The following TAMM41 variants were observed in gnomAD, a reference collection of about 807,000 sequenced individuals.
The protein encoded by TAMM41 is TAM41 mitochondrial translocator assembly and maintenance homolog.
TAMM41 carries 36 observed loss-of-function variants against 44.1 expected under a neutral mutation model. The ratio of observed to expected loss-of-function variants is 0.82; its 90% CI spans 0.63 to 1.08. TAMM41 has a LOEUF of 1.08. TAMM41 is among the 50% of genes least tolerant of loss of function. The pLI is 0.00. For missense variants in TAMM41, 417 were observed against 404.3 expected (o/e 1.03, Z -0.27); for synonymous variants, 164 against 153.1 (o/e 1.07, Z -0.53).
chr3:11,746,096 C>T, the TAMM41 span, among the ~76,000 whole-genome samples: 58 of 152,084 alleles, frequency 3.8e-4, no homozygotes, highest in African/African-American at 1.3e-3. Flanking sequence ...GTCAGGAGAT[C>T]GAGACCATCC....
the TAMM41 span, among the ~76,000 whole-genome samples, chr3:11,774,565 G>A: frequency 6.6e-6 from 1 of 152,196 alleles, no homozygotes; most frequent in African/African-American, 2.4e-5. Flanking sequence ...GGGCCCTACT[G>A]CTCTCCCTGG....
At chr3:11,839,516 T>C (rs1300411759) in intron 2 of TAMM41, among the ~76,000 whole-genome samples, 1 of 152,098 alleles carries the variant, frequency 6.6e-6, no homozygotes, top group East Asian at 1.9e-4. Context: ...ATTTAGCCCC[T>C]AGGGTATGTA....
At chr3:11,723,843 G>T in the TAMM41 span, among the ~76,000 whole-genome samples, 3 of 151,968 alleles carry the variant, frequency 2.0e-5, no homozygotes, top group Admixed American at 2.0e-4. Context: ...TCAACCCAAG[G>T]ATTTTATAAA....
At chr3:11,807,180 T>G in intron 7 of TAMM41, 21 of 1,373,116 alleles carry the variant, frequency 1.5e-5, no homozygotes, top group East Asian at 8.3e-5. Context: ...ACACTCTCCA[T>G]GAGAGAAGAA....
chr3:11,732,546 C>T, the TAMM41 span, among the ~76,000 whole-genome samples: 9 of 151,980 alleles, frequency 5.9e-5, no homozygotes, highest in East Asian at 1.9e-4. Flanking sequence ...AGAGATCATT[C>T]GAAATAGTGA....
chr3:11,729,626 T>C, the TAMM41 span, among the ~76,000 whole-genome samples: 1 of 134,934 alleles, frequency 7.4e-6, no homozygotes, highest in Non-Finnish European at 1.6e-5. Context: ...AGTGGTGCCA[T>C]CTCGGCTCAC....
chr3:11,790,351 T>A, downstream of TAMM41: 1 of 728,342 alleles, frequency 1.4e-6, no homozygotes. Context: ...CCCAACTGGA[T>A]AAATGTCTGA....
chr3:11,725,433 C>CCTT, the TAMM41 span, among the ~76,000 whole-genome samples: 38 of 130,586 alleles, frequency 2.9e-4, no homozygotes, highest in Admixed American at 1.9e-3. Flanking sequence ...CTTTCCTCCT[C>CCTT]CTCCTCCTCC....
At chr3:11,780,059 A>G in the TAMM41 span, among the ~76,000 whole-genome samples, 2 of 152,286 alleles carry the variant, frequency 1.3e-5, no homozygotes, top group East Asian at 3.9e-4. Flanking sequence ...AGATGACTAC[A>G]GTCTTCCCCT....
At chr3:11,775,921 A>C in the TAMM41 span, among the ~76,000 whole-genome samples, 1 of 152,150 alleles carries the variant, frequency 6.6e-6, no homozygotes, top group African/African-American at 2.4e-5. Context: ...CCATGAACTC[A>C]GTACATTCTA....
At chr3:11,786,286 T>TATTATTA (rs532095914), downstream of TAMM41, among the ~76,000 whole-genome samples, 16 of 138,872 alleles carry the variant, frequency 1.2e-4, no homozygotes, top group African/African-American at 4.4e-4. Context: ...TTTATTTAAT[T>TATTATTA]TTATTATTAT....
chr3:11,798,271 G>A (rs914095127), intron 7 of TAMM41, among the ~76,000 whole-genome samples: 4 of 152,150 alleles, frequency 2.6e-5, no homozygotes, highest in Non-Finnish European at 5.9e-5. Context: ...ATCGTAGACT[G>A]CATAAAGAAA....
intron 2 of TAMM41, among the ~76,000 whole-genome samples, chr3:11,840,291 G>A (rs981148068): frequency 2.7e-5 from 4 of 150,740 alleles, no homozygotes; most frequent in African/African-American, 9.8e-5. Context: ...GGAGTGCACT[G>A]GCGCAATCTC....
the TAMM41 span, among the ~76,000 whole-genome samples, chr3:11,780,374 TTC>T: frequency 1.3e-5 from 2 of 152,212 alleles, no homozygotes. Flanking sequence ...ATACTCTTCC[TTC>T]TCCTCTGGCT....
chr3:11,842,877 A>G (rs56226122), intron 2 of TAMM41, among the ~76,000 whole-genome samples: 4,526 of 152,168 alleles, frequency 0.03, 226 homozygotes, highest in African/African-American at 0.098. Context: ...TGGCCCAGGG[A>G]AGCTCTAGGA....
downstream of TAMM41, among the ~76,000 whole-genome samples, chr3:11,787,517 A>G (rs2077424426): frequency 6.6e-6 from 1 of 152,030 alleles, no homozygotes; most frequent in Admixed American, 6.5e-5. Context: ...AATTCCCTAT[A>G]TTAAATTCCT....
the TAMM41 span, among the ~76,000 whole-genome samples, chr3:11,748,444 GC>G: frequency 1.4e-5 from 2 of 144,386 alleles, no homozygotes; most frequent in African/African-American, 2.5e-5. Flanking sequence ...ACCACGTCTG[GC>G]TTTTTTTTTG....
intron 4 of TAMM41, among the ~76,000 whole-genome samples, chr3:11,821,126 T>C (rs577684973): frequency 6.6e-6 from 1 of 152,332 alleles, no homozygotes; most frequent in South Asian, 2.1e-4. Flanking sequence ...CCCCAAACTT[T>C]CTGGCACCAG....
the TAMM41 span, among the ~76,000 whole-genome samples, chr3:11,752,508 G>A: frequency 6.6e-6 from 1 of 151,554 alleles, no homozygotes; most frequent in African/African-American, 2.4e-5. Flanking sequence ...TACAATCCTA[G>A]CTACAGAGTG....
Sources: gnomAD v4.1 joint callset for allele counts (sites outside exome capture counted in the v4.1 genomes callset) on GRCh38, gnomAD v4.1.1 for gene constraint, MANE v1.5 for transcripts, NCBI Gene and HGNC (gene_info 2026-07-23, HGNC 2026-07-21) for gene names.